Variants in SRRM2 observed in about 807,000 individuals in gnomAD.
The protein encoded by SRRM2 is serine/arginine repetitive matrix protein 2.
SRRM2 carries 30 observed loss-of-function variants against 213.8 expected under a neutral mutation model. The observed-to-expected ratio is 0.14, with a 90% CI of 0.10 to 0.19. The LOEUF is 0.19. Ranked by LOEUF, SRRM2 falls within the 10% of genes least tolerant of loss-of-function variation. The probability of loss-of-function intolerance (pLI) is 1.00; values close to 1 mark genes in which losing one functional copy is unlikely to be tolerated. For missense variants in SRRM2, 4,904 were observed against 3,647.0 expected (o/e 1.34, Z -8.88); for synonymous variants, 2,025 against 1,377.7 (o/e 1.47, Z -10.40).
At chr16:2,770,056 G>C in intron 12 of SRRM2, 1 of 1,102,162 alleles carries the variant, frequency 9.1e-7, no homozygotes, top group Non-Finnish European at 1.2e-6. Flanking sequence ...CCAGAGCCAC[G>C]CACATCCAGC....
intron 10 of SRRM2, chr16:2,760,740 A>G (rs923780557): frequency 4.0e-6 from 2 of 495,696 alleles, no homozygotes; most frequent in South Asian, 2.3e-5. Flanking sequence ...TGTCTTGTTT[A>G]TACATAGATA....
rs2068470080 is a variant in SRRM2 at position 2,764,452 on chromosome 16, A to G, written c.3924A>G (p.Pro1308=). The change falls in exon 11 of 15, where the codon CCA becomes CCG. Residue 1308 remains proline, a synonymous_variant. Transcript: ENST00000301740. Reference sequence around the variant, plus strand: ...CAATGGCCTCATCTTGGGGTGGGCCACATTTTTCTCCAGAACATAAAGAAC... The same window carrying G: ...CAATGGCCTCATCTTGGGGTGGGCCGCATTTTTCTCCAGAACATAAAGAAC... ...VPSMASSWGG[P]HFSPEHKELS... 2 of 1,613,034 alleles carry G rather than the reference A, an allele frequency of 1.2e-6. No individual in the cohort carries two copies. Among genetic ancestry groups the G allele is most frequent in the African/African-American group, 1.3e-5 (1 of 74,930 alleles).
In SRRM2 at chr16:2,765,040, G is replaced by A. The variant is rs199769756; in HGVS notation, c.4512G>A (p.Glu1504=). 3.2e-5 allele frequency: 51 copies of A among 1,613,980 alleles called. 1 individual carries two copies. In the Admixed American group the frequency reaches 6.7e-4, roughly 21 times the overall value. The change falls in exon 11 of 15, where the codon GAG becomes GAA. Residue 1504 remains glutamate, a synonymous_variant. Coordinates refer to ENST00000301740, the MANE Select transcript of SRRM2 (RefSeq NM_016333.4). The part of the protein sequence containing the change: ...RPRSRSPSSP[E]LNNKCLTPQR... ...GGAGTCGTTCTCCATCATCCCCAGA[G>A]CTCAACAACAAGTGTCTTACCCCCC...
In SRRM2 at chr16:2,766,287, G is replaced by A; in HGVS notation, c.5759G>A (p.Arg1920Lys). 3.1e-6 allele frequency: 5 copies of A among 1,614,162 alleles called. No homozygotes were observed. The highest frequency in any genetic ancestry group is 4.2e-6 in the Non-Finnish European group (5 of 1,180,036). The change falls in exon 11 of 15, where the codon AGA (arginine) becomes AAA (lysine). Residue 1920 changes from arginine (R) to lysine (K), a missense_variant. Arg to Lys is a conservative substitution (Grantham distance 26). Transcript: ENST00000301740. The surrounding 1 kb of genome is among the most constrained non-coding windows in gnomAD (Gnocchi z 7.0). The part of the protein sequence containing the change: ...RSRSRASPVS[R>K]RRSRSRTPPV... ...CGGTCAAGAGCATCCCCAGTGAGCAGAAGGCGATCCAGATCCAGAACGCCA... is the reference window on the plus strand; with the variant it reads ...CGGTCAAGAGCATCCCCAGTGAGCAAAAGGCGATCCAGATCCAGAACGCCA...
Position 2,756,360 on chromosome 16 carries a change from G to A in SRRM2, c.-5G>A. ...AGCGGTGGTGCCCCCCCCGGGCACG[G>A]GGCCATGTACAACGGGATCGGGCTG... On this transcript the variant is annotated 5_prime_UTR_variant, in exon 2 of 15. Coordinates refer to ENST00000301740, the MANE Select transcript of SRRM2 (RefSeq NM_016333.4). 1 of 1,598,250 alleles carries A rather than the reference G, an allele frequency of 6.3e-7. No homozygotes were observed. Among genetic ancestry groups the A allele is most frequent in the Non-Finnish European group, 8.5e-7 (1 of 1,174,774 alleles).
chr16:2,765,486 G>C lies in SRRM2; in HGVS notation c.4958G>C (p.Ser1653Thr). ...KGRGPSPEGS[S>T]STESSPEHPP... Reference sequence around the variant, plus strand: ...AGAGGCCCTTCTCCTGAAGGAAGCAGCAGTACCGAGTCCTCTCCTGAACAT... The same window carrying C: ...AGAGGCCCTTCTCCTGAAGGAAGCACCAGTACCGAGTCCTCTCCTGAACAT... The change falls in exon 11 of 15, where the codon AGC becomes ACC. Residue 1653 changes from serine (S) to threonine (T), a missense_variant. Physicochemically the swap from Ser to Thr is moderately conservative, Grantham distance 58. Transcript: ENST00000301740. 1 of 1,614,194 alleles carries C rather than the reference G, an allele frequency of 6.2e-7. No individual in the cohort carries two copies. Among genetic ancestry groups the C allele is most frequent in the Non-Finnish European group, 8.5e-7 (1 of 1,180,040 alleles).
intron 1 of SRRM2, among the ~76,000 whole-genome samples, chr16:2,753,888 A>AC (rs1884386509): frequency 6.6e-6 from 1 of 151,666 alleles, no homozygotes; most frequent in African/African-American, 2.4e-5. Context: ...TTTTTCGACA[A>AC]CCCTTGTCTC....
rs2068372226 is a variant in SRRM2, at chr16:2,762,116, C to A, written c.1588C>A (p.Arg530=). Residue 530 remains arginine, a synonymous_variant, in exon 11 of 15, where the codon CGA becomes AGA. Transcript: ENST00000301740. The part of the protein sequence containing the change: ...QRWGRSRSPQ[R]RGRSRSPQRP... ...GTGGGGAAGATCTAGAAGCCCCCAGCGACGTGGCCGCTCTAGGTCTCCTCA... is the reference window on the plus strand; with the variant it reads ...GTGGGGAAGATCTAGAAGCCCCCAGAGACGTGGCCGCTCTAGGTCTCCTCA... 6.2e-7 allele frequency: 1 copy of A among 1,614,004 alleles called. No homozygotes were observed. The highest frequency in any genetic ancestry group is 1.3e-5 in the African/African-American group (1 of 74,888).
At chr16:2,758,310 G>A (rs779108652) in intron 4 of SRRM2, among the ~76,000 whole-genome samples, 160 bp from the exon 5 acceptor site, 2 of 152,144 alleles carry the variant, frequency 1.3e-5, no homozygotes, top group Non-Finnish European at 2.9e-5. Context: ...TGGAGGTTAC[G>A]GTGTGAGCTG....
At chr16:2,758,767 G>A (rs1017048469) in intron 5 of SRRM2, 1 of 680,400 alleles carries the variant, frequency 1.5e-6, no homozygotes, top group Non-Finnish European at 2.5e-6. Flanking sequence ...GCAGCATTTT[G>A]GATTCTGGAA....
At position 2,757,910 on chromosome 16, in the gene SRRM2, T is replaced by G. The variant is rs757024671; in HGVS notation, c.480T>G (p.Ala160=). The change falls in exon 4 of 15, where the codon GCT becomes GCG. Residue 160 remains alanine (A), a synonymous_variant. Transcript: ENST00000301740. ...SFDPQRRARE[A]KQPAPEPPKP... ...ATCCTCAGCGTCGTGCCCGAGAAGC[T>G]AAACAACCAGCTCCTGAGCCTCCCA... The G allele has an allele frequency of 6.8e-5, 109 of 1,613,988 alleles. No individual in the cohort carries two copies. Among genetic ancestry groups the G allele is most frequent in the Non-Finnish European group, 8.7e-5 (103 of 1,180,026 alleles).
chr16:2,752,814 CT>C lies in SRRM2; in HGVS notation c.-63del, dbSNP rs2067970291. The C allele has an allele frequency of 3.1e-6, 1 of 322,280 alleles. No individual in the cohort carries two copies. Among genetic ancestry groups the C allele is most frequent in the African/African-American group, 2.3e-5 (1 of 43,778 alleles). 20.0% of individuals were successfully genotyped at this position (322,280 alleles called of 1,614,324 possible). The stretch of plus-strand genomic sequence containing the variant: ...TCGAGCAGCGGCGGCGGCAAGACCT[CT>C]CCCCCTCGGAGGCGGCGGGCGGAGG... On this transcript the variant is annotated 5_prime_UTR_variant, in exon 1 of 15. Coordinates refer to ENST00000301740, the MANE Select transcript of SRRM2 (RefSeq NM_016333.4).
rs756340973 is a variant in SRRM2 at position 2,765,109 on chromosome 16, T to A, written c.4581T>A (p.Thr1527=). The A allele has an allele frequency of 7.4e-6, 12 of 1,614,126 alleles. No homozygotes were observed. The South Asian group carries it at 1.2e-4, about 16-fold the overall frequency. ...CAGAATCATCAGTTGATCAGAAAAC[T>A]GTGGCTCGGACTCCCCTGGGGCAGA... ...SGSESSVDQK[T]VARTPLGQRS... The change falls in exon 11 of 15, where the codon ACT becomes ACA. Residue 1527 remains threonine (T), a synonymous_variant. Transcript: ENST00000301740.
At chr16:2,754,501 A>C (rs1161953645) in intron 1 of SRRM2, among the ~76,000 whole-genome samples, 1 of 152,112 alleles carries the variant, frequency 6.6e-6, no homozygotes. Flanking sequence ...CGTGTTGGCC[A>C]GGCTGGTGTC....
At chr16:2,757,288 G>A (rs1478096026) in intron 2 of SRRM2, among the ~76,000 whole-genome samples, 184 bp from the exon 3 acceptor site, 1 of 152,062 alleles carries the variant, frequency 6.6e-6, no homozygotes, top group East Asian at 1.9e-4. Flanking sequence ...TGTTCTAGAG[G>A]GAGTAGTAAG....
chr16:2,760,356 TCCC>T lies in SRRM2; in HGVS notation c.891_893del (p.Pro298del). 1 of 1,614,076 alleles carries T rather than the reference TCCC, an allele frequency of 6.2e-7. No homozygotes were observed. Among genetic ancestry groups the T allele is most frequent in the Non-Finnish European group, 8.5e-7 (1 of 1,180,026 alleles). On this transcript the variant is annotated inframe_deletion, in exon 10 of 15. Transcript: ENST00000301740. ...AACTGCCTTGGCTGGGCGAAGTCCT[TCCC>T]CTGCTTCAGGGCGACGCGGGGAGGG... is the stretch of plus-strand genomic sequence containing the variant.
intron 11 of SRRM2, 24 bp from the exon 12 acceptor site, chr16:2,768,973 T>G (rs769215845): frequency 3.1e-6 from 5 of 1,610,974 alleles, no homozygotes; most frequent in Non-Finnish European, 4.2e-6. Flanking sequence ...CTTGTCTCCT[T>G]GTGACACTCC....
chr16:2,758,570 C>G (rs779404111), intron 5 of SRRM2, 23 bp downstream of exon 5: 1 of 1,603,060 alleles, frequency 6.2e-7, no homozygotes, highest in Admixed American at 1.7e-5. Flanking sequence ...GAAAGTGACT[C>G]TGATAGCCAG....
In SRRM2 at chr16:2,763,847, G is replaced by A. The variant is rs750292832; in HGVS notation, c.3319G>A (p.Glu1107Lys). The change falls in exon 11 of 15, where the codon GAG (glutamate) becomes AAG (lysine). Residue 1107 changes from glutamate (E) to lysine (K), a missense_variant. Physicochemically the swap from Glu to Lys is moderately conservative, Grantham distance 56 (BLOSUM62 1). Transcript: ENST00000301740. Reference protein sequence around the residue: ...GRSRSSSPVTELASRSPIRQD... With the variant: ...GRSRSSSPVTKLASRSPIRQD... ...GTCCAGGTCTTCATCTCCAGTCACTGAGCTGGCATCCAGATCTCCAATAAG... is the reference window on the plus strand; with the variant it reads ...GTCCAGGTCTTCATCTCCAGTCACTAAGCTGGCATCCAGATCTCCAATAAG... 6 of 1,614,214 alleles carry A rather than the reference G, an allele frequency of 3.7e-6. No individual in the cohort carries two copies. Among genetic ancestry groups the A allele is most frequent in the Non-Finnish European group, 5.1e-6 (6 of 1,180,050 alleles).
Sources: gnomAD v4.1 joint callset for allele counts (sites outside exome capture counted in the v4.1 genomes callset) on GRCh38, gnomAD v4.1.1 for gene constraint, Gnocchi (gnomAD v3.1) non-coding constraint, MANE v1.5 for transcripts, NCBI Gene and HGNC (gene_info 2026-07-23, HGNC 2026-07-21) for gene names.